Variants in ADAM10 observed in about 807,000 individuals in gnomAD.
ADAM10 encodes the protein disintegrin and metalloproteinase domain-containing protein 10.
ADAM10 carries 17 observed loss-of-function variants against 90.1 expected under a neutral mutation model. That is an observed-to-expected ratio of 0.19 (90% CI 0.13 to 0.28). ADAM10 has a LOEUF of 0.28. Among genes scored for constraint, ADAM10 ranks in the 10% least tolerant of loss-of-function variants. The probability of loss-of-function intolerance (pLI) is 1.00; values close to 1 mark genes in which losing one functional copy is unlikely to be tolerated. For missense variants in ADAM10, 610 were observed against 914.3 expected (o/e 0.67, Z 4.29); for synonymous variants, 310 against 298.6 (o/e 1.04, Z -0.40).
chr15:58,688,921 C>G (rs1897692788), intron 2 of ADAM10, among the ~76,000 whole-genome samples: 1 of 145,340 alleles, frequency 6.9e-6, no homozygotes, highest in African/African-American at 2.5e-5. Flanking sequence ...AAAAAAAAAC[C>G]CAGAGCCTCA....
chr15:58,682,651 T>C (rs1269371205), intron 2 of ADAM10, among the ~76,000 whole-genome samples: 2 of 152,216 alleles, frequency 1.3e-5, no homozygotes, highest in African/African-American at 2.4e-5. Context: ...ATTACTATTA[T>C]CTACCACTGC....
rs139572528 is a variant in ADAM10 at position 58,642,688 on chromosome 15, C to T, written c.828+1198G>A. 3.7e-3 allele frequency among the ~76,000 whole-genome samples: 565 copies of T among 152,228 alleles called. 5 individuals carry two copies. The highest frequency in any genetic ancestry group is 0.013 in the African/African-American group (534 of 41,566). On this transcript the variant is annotated intron_variant, in intron 7 of 15. Transcript: ENST00000260408. ...ATACATATCATTTTCCTCAAAGGTG[C>T]GTCACTAAAATGTGTTCAGGTGCTC...
intron 1 of ADAM10, 70 bp downstream of exon 1, chr15:58,749,410 G>C (rs1170979194): frequency 7.0e-7 from 1 of 1,429,904 alleles, no homozygotes. Flanking sequence ...AGGCGCGACT[G>C]GGCTCCGCTC....
intron 14 of ADAM10, among the ~76,000 whole-genome samples, chr15:58,607,261 A>C (rs1270201615): frequency 6.6e-6 from 1 of 152,224 alleles, no homozygotes; most frequent in Admixed American, 6.5e-5. Flanking sequence ...ATTCTGATTT[A>C]ATTAGTCCAA....
At chr15:58,683,291 T>C (rs1467827596) in intron 2 of ADAM10, among the ~76,000 whole-genome samples, 7 of 152,176 alleles carry the variant, frequency 4.6e-5, no homozygotes, top group African/African-American at 1.7e-4. Context: ...TTTTTACATA[T>C]ACATGTTTTG....
intron 8 of ADAM10, 69 bp from the exon 9 acceptor site, chr15:58,633,428 C>T: frequency 2.3e-6 from 3 of 1,302,170 alleles, no homozygotes; most frequent in Non-Finnish European, 3.3e-6. Context: ...GTAATACATG[C>T]TATATTAAAT....
At chr15:58,670,697 T>C (rs533534412) in intron 4 of ADAM10, among the ~76,000 whole-genome samples, 3 of 152,266 alleles carry the variant, frequency 2.0e-5, no homozygotes, top group African/African-American at 7.2e-5. Context: ...CATTTCATCT[T>C]AATATACTTA....
chr15:58,612,060 G>C (rs1167086653), intron 11 of ADAM10, 69 bp from the exon 12 acceptor site: 2 of 1,417,820 alleles, frequency 1.4e-6, no homozygotes, highest in Admixed American at 1.8e-5. Flanking sequence ...TTAGATATTA[G>C]ATTAGATCCA....
chr15:58,621,380 T>G (rs1895782134), intron 11 of ADAM10, 91 bp downstream of exon 11: 1 of 1,447,410 alleles, frequency 6.9e-7, no homozygotes, highest in Admixed American at 1.7e-5. Flanking sequence ...TTCAAAACCA[T>G]ATGCATCTCT....
At chr15:58,749,438 G>A (rs1374515384) in intron 1 of ADAM10, 42 bp downstream of exon 1, 7 of 1,517,330 alleles carry the variant, frequency 4.6e-6, no homozygotes, top group Non-Finnish European at 6.2e-6. Flanking sequence ...CCGCCGCTCC[G>A]CCGTGGTCGC....
intron 2 of ADAM10, among the ~76,000 whole-genome samples, chr15:58,704,473 A>C (rs756530928): frequency 3.9e-5 from 6 of 152,334 alleles, no homozygotes; most frequent in South Asian, 4.1e-4. Context: ...GAACTTTGGC[A>C]ATACAGAGAG....
chr15:58,679,253 C>G lies in ADAM10; in HGVS notation c.355G>C (p.Val119Leu), dbSNP rs1392408389. 6 of 1,613,988 alleles carry G rather than the reference C, an allele frequency of 3.7e-6. No individual in the cohort carries two copies. Among genetic ancestry groups the G allele is most frequent in the Admixed American group, 1.7e-5 (1 of 60,016 alleles). Residue 119 changes from valine to leucine, a missense_variant, in exon 4 of 16, where the codon GTT (valine) becomes CTT (leucine). Transcript: ENST00000260408. The stretch of plus-strand genomic sequence containing the variant: ...AATCCTTCAAATCTTCCATCAATAA[C>G]AGACCCATGGCTAAAACTTCCTTCT... ...GEEGSFSHGS[V>L]IDGRFEGFIQ...
At chr15:58,599,878 C>T (rs1895062496) in intron 14 of ADAM10, among the ~76,000 whole-genome samples, 154 bp from the exon 15 acceptor site, 1 of 151,538 alleles carries the variant, frequency 6.6e-6, no homozygotes, top group African/African-American at 2.4e-5. Context: ...TAGATATTTG[C>T]ACATATATAT....
chr15:58,641,063 A>G (rs954433534), intron 7 of ADAM10, 103 bp from the exon 8 acceptor site: 8 of 1,144,908 alleles, frequency 7.0e-6, no homozygotes, highest in Non-Finnish European at 7.7e-6. Context: ...ATATGCTCCC[A>G]TGGAAATCAG....
At chr15:58,695,944 C>A (rs1460958213) in intron 2 of ADAM10, among the ~76,000 whole-genome samples, 1 of 152,056 alleles carries the variant, frequency 6.6e-6, no homozygotes, top group East Asian at 1.9e-4. Flanking sequence ...TGGTGAAACC[C>A]CATCTCTACT....
rs562482892 is a variant in ADAM10, at chr15:58,652,708, T to C, written c.586-6504A>G. Among the ~76,000 whole-genome samples the C allele has an allele frequency of 2.0e-4, 31 of 152,326 alleles. 2 individuals carry two copies. In the South Asian group the frequency reaches 6.0e-3, roughly 30 times the overall value. ...TTGTTCTTTTTCCTCAGGATAGCAT[T>C]GGTTATTCTGAGTTTCTTCTGGTTC... On this transcript the variant is annotated intron_variant, in intron 5 of 15. Coordinates refer to ENST00000260408, the MANE Select transcript of ADAM10 (RefSeq NM_001110.4).
chr15:58,633,067 A>G (rs1896146421), intron 9 of ADAM10, 129 bp downstream of exon 9: 1 of 877,324 alleles, frequency 1.1e-6, no homozygotes, highest in East Asian at 2.7e-5. Context: ...CAAATACATT[A>G]CTGTGCTCTG....
At chr15:58,686,691 G>C (rs1897613131) in intron 2 of ADAM10, 1 of 676,592 alleles carries the variant, frequency 1.5e-6, no homozygotes, top group East Asian at 2.7e-5. Flanking sequence ...CAAGTCTCAA[G>C]AAAACACTTT....
At chr15:58,664,936 T>C (rs180769613) in intron 5 of ADAM10, among the ~76,000 whole-genome samples, 161 bp downstream of exon 5, 2 of 152,282 alleles carry the variant, frequency 1.3e-5, no homozygotes, top group South Asian at 2.1e-4. Context: ...GTCCTATCTC[T>C]TTATTATTGG....
Sources: allele counts gnomAD v4.1 joint callset (sites outside exome capture counted in the v4.1 genomes callset), GRCh38; gene constraint gnomAD v4.1.1; transcripts MANE v1.5; gene names NCBI Gene and HGNC (gene_info 2026-07-23, HGNC 2026-07-21).